FTO: variants seen among roughly 807,000 people sequenced by gnomAD.
The protein encoded by FTO is FTO alpha-ketoglutarate dependent dioxygenase, also known as alpha-ketoglutarate-dependent dioxygenase FTO.
In FTO, 47 loss-of-function variants were observed where a neutral mutation model predicts 63.9. That is an observed-to-expected ratio of 0.74 (90% confidence interval 0.58 to 0.94). The LOEUF (loss-of-function observed/expected upper bound fraction) is 0.94, where lower values mean the gene tolerates loss of function less well. Ranked by LOEUF, FTO falls within the 40% of genes least tolerant of loss-of-function variation. The probability of loss-of-function intolerance (pLI) is 0.00; values close to 1 mark genes in which losing one functional copy is unlikely to be tolerated. For synonymous variants in FTO, 207 were observed against 224.4 expected (o/e 0.92, Z 0.69); for missense variants, 562 against 618.1 (o/e 0.91, Z 0.96).
intron 8 of FTO, chr16:53,965,671 CT>C (rs2083181799): frequency 6.6e-6 from 1 of 152,076 alleles, no homozygotes; most frequent in South Asian, 2.1e-4. Flanking sequence ...CATGCTGTAC[CT>C]GTGAAATATT....
At chr16:53,796,318 G>A (rs1309962055) in intron 1 of FTO, among the ~76,000 whole-genome samples, 1 of 152,138 alleles carries the variant, frequency 6.6e-6, no homozygotes, top group Non-Finnish European at 1.5e-5. Flanking sequence ...TGCCGGGACT[G>A]TAGGAGCGAG....
At chr16:53,757,582 T>A (rs2076953487) in intron 1 of FTO, among the ~76,000 whole-genome samples, 1 of 151,728 alleles carries the variant, frequency 6.6e-6, no homozygotes, top group South Asian at 2.1e-4. Flanking sequence ...ATATATATAA[T>A]ATGTGCATAT....
chr16:53,907,779 CT>C (rs2081576237), intron 7 of FTO, among the ~76,000 whole-genome samples: 2 of 152,196 alleles, frequency 1.3e-5, no homozygotes, highest in South Asian at 4.1e-4. Flanking sequence ...GGAATGTCTT[CT>C]CTCACCAAGA....
chr16:53,908,677 T>A (rs1295546839), intron 7 of FTO, among the ~76,000 whole-genome samples: 1 of 152,094 alleles, frequency 6.6e-6, no homozygotes, highest in East Asian at 1.9e-4. Context: ...GGACAGTGGG[T>A]TTGGAATTGT....
chr16:53,887,489 C>T (rs2081030446), intron 6 of FTO, among the ~76,000 whole-genome samples: 1 of 152,144 alleles, frequency 6.6e-6, no homozygotes, highest in Non-Finnish European at 1.5e-5. Flanking sequence ...AATAGGAGGA[C>T]TGCCAAGGTG....
At chr16:53,810,696 G>A (rs1448852179) in intron 2 of FTO, among the ~76,000 whole-genome samples, 2 of 152,146 alleles carry the variant, frequency 1.3e-5, no homozygotes, top group African/African-American at 4.8e-5. Context: ...AGACACCACT[G>A]TTTCAATTAC....
chr16:53,743,503 C>T (rs1305850935), intron 1 of FTO, among the ~76,000 whole-genome samples: 1 of 150,460 alleles, frequency 6.6e-6, no homozygotes, highest in Non-Finnish European at 1.5e-5. Context: ...CCTGGAGCCT[C>T]AGATGAGTCT....
intron 8 of FTO, among the ~76,000 whole-genome samples, chr16:54,026,308 G>C (rs1163452980): frequency 1.3e-5 from 2 of 152,126 alleles, no homozygotes; most frequent in Non-Finnish European, 2.9e-5. Context: ...CAAAAGAACT[G>C]CTGTGGCTCC....
intron 4 of FTO, among the ~76,000 whole-genome samples, chr16:53,853,857 A>C (rs1357983387): frequency 2.0e-5 from 3 of 152,196 alleles, no homozygotes; most frequent in Non-Finnish European, 4.4e-5. Flanking sequence ...TTGTTGGGTC[A>C]AATGGTAGAG....
chr16:53,837,983 G>T (rs1300010149), intron 3 of FTO, among the ~76,000 whole-genome samples: 1 of 152,122 alleles, frequency 6.6e-6, no homozygotes, highest in Admixed American at 6.5e-5. Flanking sequence ...TGCCATTCAT[G>T]TGACACTATT....
At chr16:54,025,138 C>T (rs2144176284) in intron 8 of FTO, among the ~76,000 whole-genome samples, 1 of 152,334 alleles carries the variant, frequency 6.6e-6, no homozygotes, top group Non-Finnish European at 1.5e-5. Context: ...CTCATACCTG[C>T]TCCTCCATTA....
intron 1 of FTO, among the ~76,000 whole-genome samples, chr16:53,798,949 T>C (rs1207879117): frequency 3.3e-5 from 5 of 152,210 alleles, no homozygotes; most frequent in Admixed American, 3.3e-4. Flanking sequence ...AGGGTCATTG[T>C]TGGGTATTGT....
chr16:54,079,781 C>T (rs1392328945), intron 8 of FTO, among the ~76,000 whole-genome samples: 3 of 152,178 alleles, frequency 2.0e-5, no homozygotes, highest in Non-Finnish European at 2.9e-5. Context: ...GGCCAGTTAC[C>T]GTCATGGCAG....
At chr16:53,944,044 G>A (rs2082600524) in intron 8 of FTO, among the ~76,000 whole-genome samples, 1 of 152,140 alleles carries the variant, frequency 6.6e-6, no homozygotes, top group African/African-American at 2.4e-5. Flanking sequence ...TAGGTGTTGG[G>A]GGATTACCTG....
intron 8 of FTO, among the ~76,000 whole-genome samples, chr16:54,016,116 A>G (rs1468187119): frequency 6.6e-6 from 1 of 152,184 alleles, no homozygotes. Flanking sequence ...TACAGATGAG[A>G]AAACTGAGAC....
Position 54,111,920 on chromosome 16 carries a change from A to G in FTO, c.*5A>G. 1 of 1,614,074 alleles carries G rather than the reference A, an allele frequency of 6.2e-7. No homozygotes were observed. The highest frequency in any genetic ancestry group is 8.5e-7 in the Non-Finnish European group (1 of 1,179,996). ...CTTCTGGAAGCAAAACCCTAGAAGG[A>G]GCACAAGTCTCAGGCGGAGGAGAAA... On this transcript the variant is annotated 3_prime_UTR_variant, in exon 9 of 9. Coordinates refer to ENST00000471389, the MANE Select transcript of FTO (RefSeq NM_001080432.3).
At chr16:54,009,348 A>G (rs911178812) in intron 8 of FTO, among the ~76,000 whole-genome samples, 1 of 152,212 alleles carries the variant, frequency 6.6e-6, no homozygotes, top group African/African-American at 2.4e-5. Context: ...TAAAATGATA[A>G]TCTAAATTTT....
chr16:53,790,579 C>CAAAAAAAAAAAAAAAAAAAAAAAAGA (rs34860208), intron 1 of FTO, among the ~76,000 whole-genome samples: 1 of 55,216 alleles, frequency 1.8e-5, no homozygotes, highest in Non-Finnish European at 3.2e-5. Context: ...CAAAATAAAG[C>CAAAAAAAAAAAAAAAAAAAAAAAAGA]AAAAAAAAAA....
At chr16:53,967,928 C>CT (rs1354985330) in intron 8 of FTO, among the ~76,000 whole-genome samples, 35 of 152,226 alleles carry the variant, frequency 2.3e-4, no homozygotes, top group Middle Eastern at 3.4e-3. Flanking sequence ...TAAATATACA[C>CT]TTTTTGTGCT....
Sources: allele counts gnomAD v4.1 joint callset (sites outside exome capture counted in the v4.1 genomes callset), GRCh38; gene constraint gnomAD v4.1.1; transcripts MANE v1.5; gene names NCBI Gene and HGNC (gene_info 2026-07-23, HGNC 2026-07-21).